SLC35F3: variants seen among roughly 807,000 people sequenced by gnomAD.
SLC35F3 encodes the protein solute carrier family 35 member F3, also known as putative thiamine transporter SLC35F3.
A neutral mutation model predicts 49.9 loss-of-function variants in SLC35F3; 25 were observed. That is an observed-to-expected ratio of 0.50 (90% CI 0.37 to 0.70). The LOEUF (loss-of-function observed/expected upper bound fraction) is 0.70, where lower values mean the gene tolerates loss of function less well. Ranked by LOEUF, SLC35F3 falls within the 30% of genes least tolerant of loss-of-function variation. The probability of loss-of-function intolerance (pLI) is 0.00; values close to 1 mark genes in which losing one functional copy is unlikely to be tolerated. For synonymous variants in SLC35F3, 275 were observed against 265.4 expected (o/e 1.04, Z -0.35); for missense variants, 525 against 639.8 (o/e 0.82, Z 1.94).
At chr1:233,936,440 C>T (rs992699339) in intron 2 of SLC35F3, among the ~76,000 whole-genome samples, 3 of 152,126 alleles carry the variant, frequency 2.0e-5, no homozygotes, top group African/African-American at 4.8e-5. Flanking sequence ...ACCTACATCT[C>T]AGAACAAGAG....
At chr1:234,099,345 C>T (rs1665179576) in intron 2 of SLC35F3, among the ~76,000 whole-genome samples, 1 of 152,166 alleles carries the variant, frequency 6.6e-6, no homozygotes, top group Non-Finnish European at 1.5e-5. Context: ...TGCGCTGTGG[C>T]TCACGCCTGT....
rs1558173444 is a variant in SLC35F3, at chr1:233,905,070, C to G, written c.-8C>G. 1.3e-6 allele frequency: 2 copies of G among 1,561,478 alleles called. No homozygotes were observed. Among genetic ancestry groups the G allele is most frequent in the South Asian group, 2.4e-5 (2 of 84,814 alleles). On this transcript the variant is annotated 5_prime_UTR_variant, in exon 1 of 8. Coordinates refer to ENST00000366618, the MANE Select transcript of SLC35F3 (RefSeq NM_173508.4). ...CTGGGAGCTGCCGGTCCCACTCTGT[C>G]TTTGCCTATGGGGATTCGAGAGTTT...
chr1:234,181,586 T>C (rs1267728050), intron 2 of SLC35F3, among the ~76,000 whole-genome samples: 1 of 152,196 alleles, frequency 6.6e-6, no homozygotes, highest in Non-Finnish European at 1.5e-5. Context: ...TCCTCCATTT[T>C]TTCCTTGCCT....
intron 3 of SLC35F3, among the ~76,000 whole-genome samples, chr1:234,238,804 C>T (rs1667512994): frequency 6.6e-6 from 1 of 152,188 alleles, no homozygotes; most frequent in Admixed American, 6.5e-5. Context: ...CTTCAGCCAT[C>T]CCACATCCCA....
intron 2 of SLC35F3, among the ~76,000 whole-genome samples, chr1:234,128,966 G>A (rs942008491): frequency 2.6e-5 from 4 of 152,156 alleles, no homozygotes; most frequent in Non-Finnish European, 4.4e-5. Context: ...ATAAAACACA[G>A]TAAATACACA....
At chr1:234,250,495 A>G (rs1447162120) in intron 3 of SLC35F3, among the ~76,000 whole-genome samples, 1 of 151,794 alleles carries the variant, frequency 6.6e-6, no homozygotes, top group Non-Finnish European at 1.5e-5. Context: ...TCTACTAAAA[A>G]TACAAAAAAT....
chr1:233,921,105 G>A (rs955125164), intron 2 of SLC35F3, among the ~76,000 whole-genome samples: 2 of 152,156 alleles, frequency 1.3e-5, no homozygotes, highest in African/African-American at 4.8e-5. Flanking sequence ...AGACAAATCA[G>A]GATTCAAAGA....
chr1:234,086,251 C>A (rs1664958926), intron 2 of SLC35F3, among the ~76,000 whole-genome samples: 1 of 152,186 alleles, frequency 6.6e-6, no homozygotes, highest in Non-Finnish European at 1.5e-5. Context: ...TGTTTGAAAA[C>A]AACAAGCTGT....
intron 1 of SLC35F3, 24 bp from the exon 2 acceptor site, chr1:233,905,505 T>G: frequency 6.3e-7 from 1 of 1,577,676 alleles, no homozygotes; most frequent in Non-Finnish European, 8.7e-7. Flanking sequence ...CCCACCCACC[T>G]GCCCGTGGCG....
intron 2 of SLC35F3, among the ~76,000 whole-genome samples, chr1:233,973,714 GA>G (rs1168693963): frequency 2.0e-5 from 3 of 152,188 alleles, no homozygotes; most frequent in African/African-American, 7.2e-5. Context: ...CTGAGGTGTG[GA>G]AAAAAAGCAC....
chr1:234,161,861 C>T (rs907222829), intron 2 of SLC35F3, among the ~76,000 whole-genome samples: 60 of 152,104 alleles, frequency 3.9e-4, no homozygotes, highest in African/African-American at 1.4e-3. Context: ...GGCCCAACCC[C>T]CTGGGCACCC....
chr1:234,296,119 C>T (rs1572139761), intron 3 of SLC35F3, among the ~76,000 whole-genome samples: 1 of 152,176 alleles, frequency 6.6e-6, no homozygotes, highest in African/African-American at 2.4e-5. Flanking sequence ...TGAACAAGAG[C>T]TGAGCGCTGT....
chr1:234,163,465 G>T (rs1035669363), intron 2 of SLC35F3, among the ~76,000 whole-genome samples: 1 of 151,666 alleles, frequency 6.6e-6, no homozygotes, highest in African/African-American at 2.4e-5. Context: ...GACAGAGTGA[G>T]TGAGTGAGTG....
At chr1:234,280,415 T>G (rs1668304309) in intron 3 of SLC35F3, among the ~76,000 whole-genome samples, 1 of 152,214 alleles carries the variant, frequency 6.6e-6, no homozygotes, top group Non-Finnish European at 1.5e-5. Context: ...CTGAGAATCA[T>G]CATTAGATAT....
chr1:234,035,386 C>G (rs1005443845), intron 2 of SLC35F3, among the ~76,000 whole-genome samples: 1 of 151,720 alleles, frequency 6.6e-6, no homozygotes, highest in African/African-American at 2.4e-5. Flanking sequence ...TTTGAATATA[C>G]CTTTAAAAAA....
intron 2 of SLC35F3, among the ~76,000 whole-genome samples, chr1:233,951,387 C>A (rs1662605850): frequency 6.6e-6 from 1 of 151,980 alleles, no homozygotes; most frequent in South Asian, 2.1e-4. Context: ...CTGACTCACC[C>A]AGAGCAACTT....
At chr1:234,054,707 G>T (rs1222479269) in intron 2 of SLC35F3, among the ~76,000 whole-genome samples, 1 of 152,226 alleles carries the variant, frequency 6.6e-6, no homozygotes, top group Non-Finnish European at 1.5e-5. Flanking sequence ...TTCCTTTGGA[G>T]GAGAAGAGGC....
intron 2 of SLC35F3, among the ~76,000 whole-genome samples, chr1:234,127,101 T>C (rs990812640): frequency 6.6e-6 from 1 of 152,234 alleles, no homozygotes; most frequent in Non-Finnish European, 1.5e-5. Context: ...TGGAGAATCA[T>C]CCATTTCGTG....
intron 2 of SLC35F3, among the ~76,000 whole-genome samples, chr1:234,005,166 A>G (rs1489268325): frequency 6.6e-6 from 1 of 152,190 alleles, no homozygotes; most frequent in Non-Finnish European, 1.5e-5. Flanking sequence ...CAGTCTCCTG[A>G]AAAAACCTAA....
Sources: allele counts gnomAD v4.1 joint callset (sites outside exome capture counted in the v4.1 genomes callset), GRCh38; gene constraint gnomAD v4.1.1; transcripts MANE v1.5; gene names NCBI Gene and HGNC (gene_info 2026-07-23, HGNC 2026-07-21).